OLFM3: variants seen among roughly 807,000 people sequenced by gnomAD.
The protein encoded by OLFM3 is olfactomedin 3.
A neutral mutation model predicts 48.6 loss-of-function variants in OLFM3; 20 were observed. The observed-to-expected ratio is 0.41, with a 90% CI of 0.29 to 0.60. The LOEUF is 0.60. OLFM3 is among the 20% of genes least tolerant of loss of function. OLFM3 has a pLI of 0.28. For missense variants in OLFM3, 437 were observed against 544.3 expected, an observed-to-expected ratio of 0.80 and a Z score of 1.96; for synonymous variants, 222 against 198.1, an observed-to-expected ratio of 1.12 and a Z score of -1.01.
chr1:101,970,972 A>G (rs935379020), intron 1 of OLFM3, among the ~76,000 whole-genome samples: 3 of 152,202 alleles, frequency 2.0e-5, no homozygotes, highest in Non-Finnish European at 4.4e-5. Context: ...ATGGCAGATG[A>G]GCAATGTACA....
At chr1:101,885,499 G>T (rs1570597036) in intron 1 of OLFM3, among the ~76,000 whole-genome samples, 1 of 151,968 alleles carries the variant, frequency 6.6e-6, no homozygotes, top group Admixed American at 6.6e-5. Context: ...CATGGAGAGT[G>T]CCTGCCTCTC....
chr1:101,973,680 T>G (rs1471783364), intron 1 of OLFM3, among the ~76,000 whole-genome samples: 1 of 152,128 alleles, frequency 6.6e-6, no homozygotes, highest in Non-Finnish European at 1.5e-5. Flanking sequence ...GTAGAACAAT[T>G]GGTCTTCCAG....
At chr1:101,836,277 ACC>A (rs1159156390) in intron 2 of OLFM3, among the ~76,000 whole-genome samples, 1 of 152,306 alleles carries the variant, frequency 6.6e-6, no homozygotes, top group East Asian at 1.9e-4. Flanking sequence ...AACATAAATA[ACC>A]TTTCATGAGC....
chr1:101,919,455 T>C (rs1357862128), intron 1 of OLFM3, among the ~76,000 whole-genome samples: 1 of 152,174 alleles, frequency 6.6e-6, no homozygotes, highest in Non-Finnish European at 1.5e-5. Context: ...CAAATCCCAG[T>C]CCTTATTTTA....
At chr1:101,806,756 C>A (rs10874518) in intron 4 of OLFM3, among the ~76,000 whole-genome samples, 97,247 of 151,558 alleles carry the variant, frequency 0.64, 31,412 homozygotes, top group East Asian at 0.65. Context: ...CCTTATACAG[C>A]TAACAGGTCT....
chr1:101,924,403 A>G (rs960814394), intron 1 of OLFM3, among the ~76,000 whole-genome samples: 2 of 152,188 alleles, frequency 1.3e-5, no homozygotes, highest in Non-Finnish European at 2.9e-5. Flanking sequence ...CTGAACTAAC[A>G]AAGGATGAAA....
chr1:101,940,732 TTGTATATATA>T (rs1659768066), intron 1 of OLFM3, among the ~76,000 whole-genome samples: 1 of 150,280 alleles, frequency 6.7e-6, no homozygotes, highest in African/African-American at 2.4e-5. Flanking sequence ...ATATATAGCT[TTGTATATATA>T]TGTATGTATA....
At chr1:101,868,983 A>G (rs1656966037) in intron 1 of OLFM3, among the ~76,000 whole-genome samples, 1 of 152,226 alleles carries the variant, frequency 6.6e-6, no homozygotes, top group Non-Finnish European at 1.5e-5. Context: ...CAGAGGATGT[A>G]TGGAAACACC....
chr1:101,973,280 G>A (rs1660860930), intron 1 of OLFM3, among the ~76,000 whole-genome samples: 1 of 152,198 alleles, frequency 6.6e-6, no homozygotes. Flanking sequence ...AACCATGGAG[G>A]CCAAAGGCCT....
At chr1:101,980,858 T>A (rs941243665) in intron 1 of OLFM3, among the ~76,000 whole-genome samples, 5 of 151,992 alleles carry the variant, frequency 3.3e-5, no homozygotes, top group Non-Finnish European at 7.4e-5. Context: ...TGAAAAAAAA[T>A]AACTAGTTCC....
chr1:101,906,268 AC>A (rs1355634974), intron 1 of OLFM3, among the ~76,000 whole-genome samples: 1 of 152,104 alleles, frequency 6.6e-6, no homozygotes, highest in Non-Finnish European at 1.5e-5. Flanking sequence ...ACATCTGTTT[AC>A]AAATGACACA....
chr1:101,958,084 G>A (rs560776873), intron 1 of OLFM3, among the ~76,000 whole-genome samples: 1 of 152,114 alleles, frequency 6.6e-6, no homozygotes, highest in South Asian at 2.1e-4. Context: ...CACCTATTCT[G>A]TCTCTAATTA....
At chr1:101,908,553 A>C (rs1658633114) in intron 1 of OLFM3, among the ~76,000 whole-genome samples, 1 of 152,190 alleles carries the variant, frequency 6.6e-6, no homozygotes, top group Non-Finnish European at 1.5e-5. Context: ...GAGGCATAAC[A>C]AAACCACAGC....
At chr1:101,977,923 T>C (rs1660999705) in intron 1 of OLFM3, among the ~76,000 whole-genome samples, 1 of 152,130 alleles carries the variant, frequency 6.6e-6, no homozygotes, top group Non-Finnish European at 1.5e-5. Context: ...TTATACTTTG[T>C]TTCTTTCTCA....
Position 101,836,881 on chromosome 1 carries a change from T to C in OLFM3, c.214A>G (p.Lys72Glu). 6.2e-7 allele frequency: 1 copy of C among 1,614,144 alleles called. No individual in the cohort carries two copies. Residue 72 changes from lysine (K) to glutamate (E), a missense_variant and splice_region_variant, in exon 2 of 6, where the codon AAG (lysine) becomes GAG (glutamate). By Grantham distance (56) the Lys-to-Glu change is moderately conservative. Coordinates refer to ENST00000370103, the MANE Select transcript of OLFM3 (RefSeq NM_058170.4). ...CATAGGGGACACAGGACACCTACCT[T>C]TTCCAGTAGTTGGCGAAGTTGCCTG... is the stretch of plus-strand genomic sequence containing the variant. The part of the protein sequence containing the change: ...KSRQLRQLLE[K>E]VQNMSQSIEV...
At chr1:101,982,069 C>T (rs867687266) in intron 1 of OLFM3, among the ~76,000 whole-genome samples, 1 of 152,016 alleles carries the variant, frequency 6.6e-6, no homozygotes, top group South Asian at 2.1e-4. Context: ...AAATTGAAGG[C>T]CAGTTTAATC....
chr1:101,912,861 A>G (rs960816975), intron 1 of OLFM3, among the ~76,000 whole-genome samples: 3 of 152,194 alleles, frequency 2.0e-5, no homozygotes, highest in African/African-American at 7.2e-5. Flanking sequence ...CAGCTGTTTG[A>G]GAGCAATAGC....
At chr1:101,846,913 A>G (rs184050072) in intron 1 of OLFM3, 1 of 1,612,798 alleles carries the variant, frequency 6.2e-7, no homozygotes, top group Non-Finnish European at 8.5e-7. Context: ...TGGGACATCC[A>G]GTTTGAGATC....
intron 1 of OLFM3, among the ~76,000 whole-genome samples, chr1:101,995,345 A>G (rs1285412571): frequency 6.6e-6 from 1 of 152,018 alleles, no homozygotes; most frequent in Non-Finnish European, 1.5e-5. Flanking sequence ...AGTCAAGAAG[A>G]AAAAAAATTA....
Sources: gnomAD v4.1 joint callset for allele counts (sites outside exome capture counted in the v4.1 genomes callset) on GRCh38, gnomAD v4.1.1 for gene constraint, MANE v1.5 for transcripts, NCBI Gene and HGNC (gene_info 2026-07-23, HGNC 2026-07-21) for gene names.